Variants in CLIC5 observed in about 807,000 individuals in gnomAD.
The protein encoded by CLIC5 is chloride intracellular channel protein 5.
Under a neutral mutation model 24.7 loss-of-function variants are expected in CLIC5, and 20 were observed. The observed-to-expected ratio is 0.81, with a 90% CI of 0.57 to 1.18. The LOEUF is 1.18. Among genes scored for constraint, CLIC5 ranks in the 50% most tolerant of loss-of-function variants. The pLI, the probability that CLIC5 is intolerant of heterozygous loss-of-function variation, is 0.00. For missense variants in CLIC5, 341 were observed against 326.1 expected (o/e 1.05, Z -0.35); for synonymous variants, 159 against 135.6 (o/e 1.17, Z -1.20).
chr6:45,897,324 CA>C (rs1351345737), downstream of CLIC5, among the ~76,000 whole-genome samples: 1 of 152,300 alleles, frequency 6.6e-6, no homozygotes, highest in East Asian at 1.9e-4. Context: ...ACTTTGAAAC[CA>C]ACCACAGCCA....
chr6:46,071,886 C>T (rs976452839), intron 1 of CLIC5, among the ~76,000 whole-genome samples: 1 of 152,068 alleles, frequency 6.6e-6, no homozygotes, highest in African/African-American at 2.4e-5. Context: ...TACATATATA[C>T]CATGGAATAC....
At chr6:46,098,593 C>T in the CLIC5 span, among the ~76,000 whole-genome samples, 5 of 152,270 alleles carry the variant, frequency 3.3e-5, no homozygotes, top group Admixed American at 1.3e-4. Context: ...ATTGTGTTGG[C>T]GTTTCTTCCA....
intron 1 of CLIC5, among the ~76,000 whole-genome samples, chr6:45,955,571 A>T (rs539368226): frequency 6.6e-6 from 1 of 152,228 alleles, no homozygotes; most frequent in African/African-American, 2.4e-5. Flanking sequence ...GAATGCCAAC[A>T]TCTACACCCC....
At chr6:46,110,675 C>T in the CLIC5 span, among the ~76,000 whole-genome samples, 1 of 152,036 alleles carries the variant, frequency 6.6e-6, no homozygotes, top group Non-Finnish European at 1.5e-5. Flanking sequence ...CTGATAGGAC[C>T]AGGAACTTCA....
chr6:46,074,322 C>T (rs1762707488), intron 1 of CLIC5, among the ~76,000 whole-genome samples: 1 of 152,034 alleles, frequency 6.6e-6, no homozygotes, highest in Non-Finnish European at 1.5e-5. Flanking sequence ...GTTGAGTGCC[C>T]CATTTTGAAT....
chr6:45,991,378 C>G (rs891404920), intron 1 of CLIC5, among the ~76,000 whole-genome samples: 2 of 152,130 alleles, frequency 1.3e-5, no homozygotes, highest in Non-Finnish European at 2.9e-5. Flanking sequence ...GGGCCTCAAT[C>G]CTAAAACTGC....
chr6:45,957,964 G>C (rs1041825868), intron 1 of CLIC5, among the ~76,000 whole-genome samples: 1 of 152,046 alleles, frequency 6.6e-6, no homozygotes, highest in African/African-American at 2.4e-5. Context: ...TTGAGCACTG[G>C]GGGCCAGGGA....
intron 1 of CLIC5, among the ~76,000 whole-genome samples, chr6:45,981,855 G>A (rs1257988285): frequency 1.3e-5 from 2 of 152,038 alleles, no homozygotes; most frequent in African/African-American, 2.4e-5. Context: ...AAAATTATCC[G>A]GGCATGATGG....
At chr6:46,099,992 A>G in the CLIC5 span, among the ~76,000 whole-genome samples, 8 of 152,186 alleles carry the variant, frequency 5.3e-5, no homozygotes, top group East Asian at 1.4e-3. Flanking sequence ...GCCATAAAAA[A>G]AAAAAACGGG....
At chr6:46,034,883 A>G (rs757814364) in intron 1 of CLIC5, among the ~76,000 whole-genome samples, 5 of 152,182 alleles carry the variant, frequency 3.3e-5, no homozygotes, top group Non-Finnish European at 5.9e-5. Context: ...GGTGACTACT[A>G]AGGTTCGGAG....
At chr6:45,992,028 A>G (rs536200468) in intron 1 of CLIC5, among the ~76,000 whole-genome samples, 8 of 152,346 alleles carry the variant, frequency 5.3e-5, no homozygotes, top group African/African-American at 1.9e-4. Flanking sequence ...AAAGATGGGC[A>G]TCAGAATAAG....
rs191551215 is a variant in CLIC5 at position 45,966,001 on chromosome 6, T to C, written c.64-10757A>G. Among the ~76,000 whole-genome samples the C allele has an allele frequency of 9.2e-5, 14 of 152,338 alleles. No homozygotes were observed. The East Asian group carries it at 2.5e-3, about 27-fold the overall frequency. ...TGAGATTCCTCAATTATTACTCATC[T>C]GCCCTTCTGTTCTGGTTGTCTGAAT... On this transcript the variant is annotated intron_variant, in intron 1 of 5. Coordinates refer to ENST00000339561, the MANE Select transcript of CLIC5 (RefSeq NM_016929.5).
At chr6:45,921,497 C>G (rs1182604823) in intron 4 of CLIC5, among the ~76,000 whole-genome samples, 1 of 152,170 alleles carries the variant, frequency 6.6e-6, no homozygotes, top group Non-Finnish European at 1.5e-5. Flanking sequence ...TTCACATCAT[C>G]TAGTGTCTGG....
rs6458477 is a variant in CLIC5 at position 45,912,574 on chromosome 6, T to C, written c.588+1654A>G. ...CAATCCACTTCTGTTCTTCTAGGCA[T>C]GAGAAAAATGAATTCCAAAAAGATT... On this transcript the variant is annotated intron_variant, in intron 5 of 5. Transcript: ENST00000339561. The C allele has an allele frequency of 0.11, 150,742 of 1,425,058 alleles. 12,118 individuals carry two copies. The highest frequency in any genetic ancestry group is 0.41 in the African/African-American group (28,802 of 70,138). The allele number at this position is 1,425,058 out of a possible 1,614,324, so 88.3% of individuals were successfully genotyped here.
chr6:46,121,200 A>C, the CLIC5 span, among the ~76,000 whole-genome samples: 1 of 152,238 alleles, frequency 6.6e-6, no homozygotes, highest in African/African-American at 2.4e-5. Context: ...GGTTACTCAC[A>C]AAGGGAAGCC....
intron 1 of CLIC5, among the ~76,000 whole-genome samples, chr6:45,976,887 G>C (rs1269430194): frequency 1.3e-5 from 2 of 152,184 alleles, no homozygotes; most frequent in African/African-American, 2.4e-5. Context: ...TATTGCTGAT[G>C]CTTTTTAGGG....
At chr6:46,089,972 G>A in the CLIC5 span, among the ~76,000 whole-genome samples, 1 of 152,188 alleles carries the variant, frequency 6.6e-6, no homozygotes, top group Non-Finnish European at 1.5e-5. Context: ...GCACAGGAAT[G>A]CAGTAAGCCA....
At chr6:46,103,139 A>G in the CLIC5 span, among the ~76,000 whole-genome samples, 45 of 152,328 alleles carry the variant, frequency 3.0e-4, 1 homozygote, top group East Asian at 7.7e-3. Flanking sequence ...GAGATTAACT[A>G]ATTTGCCTAT....
intron 5 of CLIC5, among the ~76,000 whole-genome samples, chr6:45,913,610 C>G (rs1234126315): frequency 6.6e-6 from 1 of 152,160 alleles, no homozygotes; most frequent in Non-Finnish European, 1.5e-5. Flanking sequence ...TTTGGATGAC[C>G]TCTAAATGTC....
Sources: allele counts gnomAD v4.1 joint callset (sites outside exome capture counted in the v4.1 genomes callset), GRCh38; gene constraint gnomAD v4.1.1; transcripts MANE v1.5; gene names NCBI Gene and HGNC (gene_info 2026-07-23, HGNC 2026-07-21).